The following ZCWPW2 variants were observed in gnomAD, a reference collection of about 807,000 sequenced individuals.
ZCWPW2 encodes zinc finger CW-type PWWP domain protein 2.
Under a neutral mutation model 46.6 loss-of-function variants are expected in ZCWPW2, and 45 were observed. That is an observed-to-expected ratio of 0.96 (90% CI 0.76 to 1.24). ZCWPW2 has a LOEUF of 1.24. Ranked by LOEUF, ZCWPW2 falls within the 50% of genes most tolerant of loss-of-function variation. ZCWPW2 has a pLI of 0.00. For synonymous variants in ZCWPW2, 152 were observed against 137.1 expected (o/e 1.11, Z -0.76); for missense variants, 429 against 403.9 (o/e 1.06, Z -0.53).
At chr3:28,476,257 C>G (rs1022163180) in intron 4 of ZCWPW2, among the ~76,000 whole-genome samples, 4 of 151,812 alleles carry the variant, frequency 2.6e-5, no homozygotes, top group African/African-American at 7.3e-5. Context: ...TGCACCTTAT[C>G]CCTTCTTCAA....
In ZCWPW2 at chr3:28,520,642, A is replaced by G. The variant is rs766818508; in HGVS notation, c.785-350A>G. ...TGAAATATTGGCTCTCTGGCCCTTT[A>G]GAGAAAAATTTGCTGACACTTTTTC... On this transcript the variant is annotated intron_variant, in intron 8 of 9. Coordinates refer to ENST00000383768, the MANE Select transcript of ZCWPW2 (RefSeq NM_001040432.4). 8.6e-4 allele frequency among the ~76,000 whole-genome samples: 131 copies of G among 152,320 alleles called. 1 individual carries two copies. Among genetic ancestry groups the G allele is most frequent in the Non-Finnish European group, 1.3e-3 (89 of 68,034 alleles).
intron 8 of ZCWPW2, among the ~76,000 whole-genome samples, chr3:28,520,756 G>A (rs1700700517): frequency 6.6e-6 from 1 of 152,010 alleles, no homozygotes. Context: ...CTACTTTATG[G>A]TTTATACATA....
chr3:28,512,769 T>G (rs1700463096), intron 6 of ZCWPW2, among the ~76,000 whole-genome samples: 1 of 152,078 alleles, frequency 6.6e-6, no homozygotes, highest in Non-Finnish European at 1.5e-5. Context: ...CTTTTTTTTT[T>G]GATTCTAGAA....
intron 5 of ZCWPW2, among the ~76,000 whole-genome samples, chr3:28,487,230 A>G (rs574356709): frequency 2.0e-5 from 3 of 152,056 alleles, no homozygotes; most frequent in Admixed American, 1.3e-4. Flanking sequence ...TGGTATGCCT[A>G]TTACATGTAT....
intron 3 of ZCWPW2, among the ~76,000 whole-genome samples, chr3:28,422,214 A>G (rs1696820501): frequency 6.6e-6 from 1 of 152,112 alleles, no homozygotes; most frequent in African/African-American, 2.4e-5. Flanking sequence ...TATCATTATC[A>G]ATGAAGTCCA....
intron 4 of ZCWPW2, among the ~76,000 whole-genome samples, chr3:28,455,413 AG>A (rs1261112488): frequency 3.3e-5 from 5 of 152,160 alleles, no homozygotes; most frequent in African/African-American, 9.7e-5. Flanking sequence ...GATTGCAAAA[AG>A]TTTCTCCCAT....
chr3:28,401,167 G>A (rs1430174089), intron 2 of ZCWPW2, among the ~76,000 whole-genome samples: 1 of 150,726 alleles, frequency 6.6e-6, no homozygotes, highest in African/African-American at 2.4e-5. Context: ...CGACGAGCAA[G>A]ACTCCATCTC....
chr3:28,349,298 G>T (rs974452179), intron 1 of ZCWPW2, 95 bp downstream of exon 1: 2 of 785,702 alleles, frequency 2.5e-6, no homozygotes, highest in Non-Finnish European at 3.1e-6. Flanking sequence ...CCTTTTGGGG[G>T]GTCCCCGGGC....
At chr3:28,386,988 C>G (rs1159461469) in intron 1 of ZCWPW2, among the ~76,000 whole-genome samples, 2 of 152,154 alleles carry the variant, frequency 1.3e-5, no homozygotes, top group African/African-American at 4.8e-5. Context: ...GTAAAAACTT[C>G]CTGTTCCTCC....
chr3:28,519,773 C>T (rs1700672772), intron 8 of ZCWPW2, among the ~76,000 whole-genome samples: 1 of 152,138 alleles, frequency 6.6e-6, no homozygotes. Flanking sequence ...CTTAGATGCT[C>T]CATCTGCCTC....
intron 4 of ZCWPW2, among the ~76,000 whole-genome samples, chr3:28,444,177 C>A (rs1032007323): frequency 1.3e-5 from 2 of 152,148 alleles, no homozygotes; most frequent in Non-Finnish European, 2.9e-5. Context: ...TGCTTGTTCA[C>A]CAGATTTCTG....
At chr3:28,400,226 C>G (rs1695866321) in intron 2 of ZCWPW2, among the ~76,000 whole-genome samples, 1 of 151,816 alleles carries the variant, frequency 6.6e-6, no homozygotes, top group Non-Finnish European at 1.5e-5. Flanking sequence ...ACCAATCCAA[C>G]AAAGACAAAA....
intron 2 of ZCWPW2, among the ~76,000 whole-genome samples, chr3:28,399,228 C>G (rs1695828962): frequency 6.6e-6 from 1 of 152,124 alleles, no homozygotes; most frequent in South Asian, 2.1e-4. Flanking sequence ...AGGAACATAA[C>G]TGCTTTGACC....
At chr3:28,353,842 A>G (rs1279432172) in intron 1 of ZCWPW2, among the ~76,000 whole-genome samples, 1 of 152,360 alleles carries the variant, frequency 6.6e-6, no homozygotes, top group East Asian at 1.9e-4. Flanking sequence ...CAACAGGAGA[A>G]CAGCAACAGA....
chr3:28,396,785 G>A (rs1027726061), intron 2 of ZCWPW2, among the ~76,000 whole-genome samples: 5 of 152,110 alleles, frequency 3.3e-5, no homozygotes, highest in Admixed American at 1.3e-4. Context: ...ATAAGTAGCC[G>A]TTTATCTTCA....
intron 2 of ZCWPW2, among the ~76,000 whole-genome samples, chr3:28,400,757 A>G (rs1035336479): frequency 6.6e-6 from 1 of 152,250 alleles, no homozygotes; most frequent in African/African-American, 2.4e-5. Context: ...ATTCGCCACT[A>G]CCAAGCTACC....
chr3:28,372,621 T>C (rs866506155), intron 1 of ZCWPW2, among the ~76,000 whole-genome samples: 1 of 152,212 alleles, frequency 6.6e-6, no homozygotes, highest in Non-Finnish European at 1.5e-5. Flanking sequence ...ACTTGTCCTT[T>C]ATTTTATTTT....
At chr3:28,398,609 G>T (rs911049932) in intron 2 of ZCWPW2, among the ~76,000 whole-genome samples, 5 of 152,122 alleles carry the variant, frequency 3.3e-5, no homozygotes, top group Non-Finnish European at 7.3e-5. Context: ...CCCAAATACT[G>T]TGGGTGTCCA....
At chr3:28,378,870 C>T (rs1261175643) in intron 1 of ZCWPW2, among the ~76,000 whole-genome samples, 1 of 152,094 alleles carries the variant, frequency 6.6e-6, no homozygotes, top group Non-Finnish European at 1.5e-5. Flanking sequence ...GATGTCACTA[C>T]ATAAACTATA....
Sources: allele counts gnomAD v4.1 joint callset (sites outside exome capture counted in the v4.1 genomes callset), GRCh38; gene constraint gnomAD v4.1.1; transcripts MANE v1.5; gene names NCBI Gene and HGNC (gene_info 2026-07-23, HGNC 2026-07-21).